Variants in GRAP2 observed in about 807,000 individuals in gnomAD.
GRAP2 encodes the protein GRB2 related adaptor protein 2, also known as GRB2-related adapter protein 2.
GRAP2 carries 31 observed loss-of-function variants against 43.5 expected under a neutral mutation model. That is an observed-to-expected ratio of 0.71 (90% CI 0.54 to 0.96). GRAP2 has a LOEUF of 0.96. GRAP2 is among the 40% of genes least tolerant of loss of function. The pLI, the probability that GRAP2 is intolerant of heterozygous loss-of-function variation, is 0.00. For synonymous variants in GRAP2, 156 were observed against 164.8 expected, an observed-to-expected ratio of 0.95 and a Z score of 0.41; for missense variants, 371 against 424.4, an observed-to-expected ratio of 0.87 and a Z score of 1.11.
chr22:39,913,890 G>T (rs1220262859), intron 1 of GRAP2, among the ~76,000 whole-genome samples: 1 of 152,124 alleles, frequency 6.6e-6, no homozygotes, highest in African/African-American at 2.4e-5. Flanking sequence ...CCTCTTCCTG[G>T]GATGTAAAGC....
Position 39,962,768 on chromosome 22 carries a change from C to T in GRAP2, c.290+2594C>T, listed in dbSNP as rs145106504. On this transcript the variant is annotated intron_variant, in intron 4 of 7. Coordinates refer to ENST00000344138, the MANE Select transcript of GRAP2 (RefSeq NM_004810.4). Reference sequence around the variant, plus strand: ...CGCCTCCCAGGTTCAAAGCAATTCTCGTGCCTTGGCCTCCTGAGTAGCTGG... The same window carrying T: ...CGCCTCCCAGGTTCAAAGCAATTCTTGTGCCTTGGCCTCCTGAGTAGCTGG... Among the ~76,000 whole-genome samples the T allele has an allele frequency of 3.8e-4, 58 of 152,236 alleles. 1 individual carries two copies. The East Asian group carries it at 9.7e-3, about 25-fold the overall frequency.
At position 39,965,976 on chromosome 22, in the gene GRAP2, GCC is replaced by G; in HGVS notation, c.291-13_291-12del. ...ACCGTGTAACATACAATTTTGTTTT[GCC>G]TTGATCTCCAGGCATGAGGATGACG... is the stretch of plus-strand genomic sequence containing the variant. On this transcript the variant is annotated splice_polypyrimidine_tract_variant and intron_variant, in intron 4 of 7. Coordinates refer to ENST00000344138, the MANE Select transcript of GRAP2 (RefSeq NM_004810.4). The G allele has an allele frequency of 6.2e-7, 1 of 1,612,364 alleles. No homozygotes were observed. Among genetic ancestry groups the G allele is most frequent in the South Asian group, 1.1e-5 (1 of 91,056 alleles).
At chr22:39,938,919 G>A (rs557568997) in intron 1 of GRAP2, among the ~76,000 whole-genome samples, 7 of 152,256 alleles carry the variant, frequency 4.6e-5, no homozygotes, top group East Asian at 3.9e-4. Context: ...TATAATTCTC[G>A]GACAAGCTGC....
At position 39,901,316 on chromosome 22, in the gene GRAP2, C is replaced by T. The variant is rs1180125381; in HGVS notation, c.-29C>T. The T allele has an allele frequency of 8.1e-7, 1 of 1,238,624 alleles. No individual in the cohort carries two copies. Among genetic ancestry groups the T allele is most frequent in the Admixed American group, 2.3e-5 (1 of 43,512 alleles). 76.7% of individuals were successfully genotyped at this position (1,238,624 alleles called of 1,614,324 possible). A position where few individuals can be genotyped will look rare whatever the true frequency, so the allele number is the denominator to read the frequency against. On this transcript the variant is annotated 5_prime_UTR_variant, in exon 1 of 8. Transcript: ENST00000344138. ...CAAAGCCAAGACATAAACTCAACCC[C>T]TTCTCTTCCAAAAGGTATGTCATTA...
At chr22:39,924,630 C>T (rs569218283) in intron 1 of GRAP2, among the ~76,000 whole-genome samples, 23 of 151,872 alleles carry the variant, frequency 1.5e-4, no homozygotes, top group South Asian at 4.2e-4. Flanking sequence ...TCAACCCGGG[C>T]GGCGGAGGTT....
intron 4 of GRAP2, chr22:39,963,888 C>T (rs888949090): frequency 3.3e-5 from 5 of 153,374 alleles, no homozygotes; most frequent in South Asian, 2.0e-4. Context: ...TGGTGGCGGG[C>T]GCCTGTAGTC....
At chr22:39,903,462 C>T (rs943597572) in intron 1 of GRAP2, among the ~76,000 whole-genome samples, 2 of 148,516 alleles carry the variant, frequency 1.3e-5, no homozygotes, top group Non-Finnish European at 3.0e-5. Context: ...GATAATAACA[C>T]AGCCTCATGA....
chr22:39,961,405 G>A (rs1217936647), intron 4 of GRAP2, among the ~76,000 whole-genome samples: 3 of 152,180 alleles, frequency 2.0e-5, no homozygotes, highest in Non-Finnish European at 4.4e-5. Flanking sequence ...ATGCCAAGGG[G>A]TGTCGTTTTC....
At chr22:39,957,419 C>A (rs2067066916) in intron 3 of GRAP2, among the ~76,000 whole-genome samples, 4 of 152,238 alleles carry the variant, frequency 2.6e-5, no homozygotes, top group African/African-American at 9.6e-5. Flanking sequence ...GCTCCCAGAC[C>A]CCCCTCCCCC....
intron 6 of GRAP2, 115 bp downstream of exon 6, chr22:39,968,387 C>T (rs2067198119): frequency 8.0e-7 from 1 of 1,247,518 alleles, no homozygotes. Flanking sequence ...ACCCTGGACC[C>T]CCCCAAATGG....
chr22:39,941,432 T>C (rs910991675), intron 1 of GRAP2, among the ~76,000 whole-genome samples: 1 of 152,098 alleles, frequency 6.6e-6, no homozygotes, highest in South Asian at 2.1e-4. Context: ...CTACAACTTT[T>C]CCCCTTAAGA....
upstream of GRAP2, among the ~76,000 whole-genome samples, chr22:39,896,559 G>C (rs1162824460): frequency 6.6e-6 from 1 of 152,132 alleles, no homozygotes; most frequent in East Asian, 1.9e-4. Flanking sequence ...ACTGAAAGAA[G>C]AGGGTTTGGG....
chr22:39,897,064 A>G (rs1458738109), upstream of GRAP2, among the ~76,000 whole-genome samples: 1 of 152,174 alleles, frequency 6.6e-6, no homozygotes, highest in Non-Finnish European at 1.5e-5. Context: ...ATCCACTTGC[A>G]AAGCGGTAAA....
At chr22:39,941,811 A>G (rs979594251) in intron 1 of GRAP2, among the ~76,000 whole-genome samples, 1 of 152,096 alleles carries the variant, frequency 6.6e-6, no homozygotes, top group Admixed American at 6.6e-5. Flanking sequence ...AAGGTCTGAC[A>G]ATTCCACATC....
At chr22:39,952,892 G>C (rs907653824) in intron 2 of GRAP2, among the ~76,000 whole-genome samples, 1 of 152,152 alleles carries the variant, frequency 6.6e-6, no homozygotes, top group African/African-American at 2.4e-5. Flanking sequence ...CATCAGCTCT[G>C]TGAGGTGCTA....
At chr22:39,906,409 A>G (rs762645715) in intron 1 of GRAP2, among the ~76,000 whole-genome samples, 9 of 152,200 alleles carry the variant, frequency 5.9e-5, no homozygotes, top group Non-Finnish European at 1.3e-4. Context: ...AAAAAGCTGT[A>G]TAAACTAGGT....
At chr22:39,951,811 T>A (rs538685383) in intron 2 of GRAP2, among the ~76,000 whole-genome samples, 339 of 151,512 alleles carry the variant, frequency 2.2e-3, no homozygotes, top group South Asian at 9.2e-3. Flanking sequence ...GAATTTTTTT[T>A]AAAAAAAAAC....
At chr22:39,906,309 A>G (rs2066522940) in intron 1 of GRAP2, among the ~76,000 whole-genome samples, 1 of 152,202 alleles carries the variant, frequency 6.6e-6, no homozygotes, top group Non-Finnish European at 1.5e-5. Flanking sequence ...ACGATGGATG[A>G]CTGTTGTTAG....
At chr22:39,969,654 C>T (rs2067217875) in intron 7 of GRAP2, 121 bp downstream of exon 7, 1 of 1,054,192 alleles carries the variant, frequency 9.5e-7, no homozygotes, top group Non-Finnish European at 1.4e-6. Flanking sequence ...TGGCTCACAC[C>T]TGTAATCCCA....
Sources: gnomAD v4.1 joint callset for allele counts (sites outside exome capture counted in the v4.1 genomes callset) on GRCh38, gnomAD v4.1.1 for gene constraint, MANE v1.5 for transcripts, NCBI Gene and HGNC (gene_info 2026-07-23, HGNC 2026-07-21) for gene names.